The following DIAPH3 variants were observed in gnomAD, a reference collection of about 807,000 sequenced individuals.
DIAPH3 encodes diaphanous related formin 3.
Under a neutral mutation model 144.3 loss-of-function variants are expected in DIAPH3, and 117 were observed. The observed-to-expected ratio is 0.81, with a 90% CI of 0.70 to 0.95. DIAPH3 has a LOEUF of 0.95. Among genes scored for constraint, DIAPH3 ranks in the 40% least tolerant of loss-of-function variants. DIAPH3 has a pLI of 0.00. For synonymous variants in DIAPH3, 519 were observed against 488.9 expected, an observed-to-expected ratio of 1.06 and a Z score of -0.81; for missense variants, 1,421 against 1,412.7, an observed-to-expected ratio of 1.01 and a Z score of -0.09.
At position 59,810,927 on chromosome 13, in the gene DIAPH3, A is replaced by AC; in HGVS notation, c.3028-5_3028-4insG. 5 of 287,870 alleles carry AC rather than the reference A, an allele frequency of 1.7e-5. No homozygotes were observed. The highest frequency in any genetic ancestry group is 2.5e-5 in the Non-Finnish European group (5 of 198,990). 17.8% of individuals were successfully genotyped at this position (287,870 alleles called of 1,614,324 possible). A position where few individuals can be genotyped will look rare whatever the true frequency, so the allele number is the denominator to read the frequency against. On this transcript the variant is annotated splice_region_variant and splice_polypyrimidine_tract_variant and intron_variant, in intron 24 of 27. Transcript: ENST00000400324. ...TGATATTCTCCTTTATTGCTTGCTA[A>AC]AAAAATTTTGAAAAATGATCAATTT...
intron 27 of DIAPH3, among the ~76,000 whole-genome samples, chr13:59,668,246 C>T (rs188215612): frequency 6.6e-6 from 1 of 152,132 alleles, no homozygotes; most frequent in Non-Finnish European, 1.5e-5. Flanking sequence ...TTCCTATGAC[C>T]ACATCCTTTT....
chr13:59,699,894 G>A (rs1229135358), intron 27 of DIAPH3, among the ~76,000 whole-genome samples: 1 of 152,198 alleles, frequency 6.6e-6, no homozygotes, highest in Non-Finnish European at 1.5e-5. Context: ...AACCTTAAAT[G>A]TGAACACTTC....
rs1055787286 is a variant in DIAPH3 at position 59,871,201 on chromosome 13, G to C, written c.2607+8028C>G. On this transcript the variant is annotated intron_variant, in intron 21 of 27. Transcript: ENST00000400324. ...ATTTTTTGTCCATTTTTTTTGGGGGGGGGGGTGGCGGGCATTCTACACAGA... is the reference window on the plus strand; with the variant it reads ...ATTTTTTGTCCATTTTTTTTGGGGGCGGGGGTGGCGGGCATTCTACACAGA... 1.0e-4 allele frequency among the ~76,000 whole-genome samples: 15 copies of C among 143,948 alleles called. No individual in the cohort carries two copies. In the South Asian group the frequency reaches 3.2e-3, roughly 30 times the overall value. 94.4% of individuals were successfully genotyped at this position (143,948 alleles called of 152,430 possible).
In DIAPH3 at chr13:59,747,581, C is replaced by T. The variant is rs559210494; in HGVS notation, c.3319+26608G>A. On this transcript the variant is annotated intron_variant, in intron 27 of 27. Coordinates refer to ENST00000400324, the MANE Select transcript of DIAPH3 (RefSeq NM_001042517.2). The stretch of plus-strand genomic sequence containing the variant: ...CCACTGGAGTGTATTTTCAAGCCAT[C>T]AGGTCCTGCCTTGGCCACTGGGACC... 8.5e-5 allele frequency among the ~76,000 whole-genome samples: 13 copies of T among 152,288 alleles called. No individual in the cohort carries two copies. The South Asian group carries it at 2.7e-3, about 32-fold the overall frequency.
chr13:60,056,392 G>A (rs988139539), intron 4 of DIAPH3, among the ~76,000 whole-genome samples: 2 of 151,414 alleles, frequency 1.3e-5, no homozygotes, highest in Non-Finnish European at 3.0e-5. Context: ...ACAAATATGT[G>A]TTTTCTATAC....
intron 3 of DIAPH3, among the ~76,000 whole-genome samples, chr13:60,095,826 T>G (rs2058091435): frequency 6.6e-6 from 1 of 152,286 alleles, no homozygotes; most frequent in South Asian, 2.1e-4. Context: ...ACACTCTGCT[T>G]TTTTTAAGCT....
chr13:59,790,822 A>G (rs565720326), intron 25 of DIAPH3, among the ~76,000 whole-genome samples: 3 of 152,274 alleles, frequency 2.0e-5, no homozygotes, highest in African/African-American at 7.2e-5. Flanking sequence ...AAAAAACTGG[A>G]GGCAAAAATG....
chr13:60,045,293 T>C (rs2055992270), intron 4 of DIAPH3, among the ~76,000 whole-genome samples: 1 of 151,500 alleles, frequency 6.6e-6, no homozygotes, highest in Non-Finnish European at 1.5e-5. Context: ...TGAGCAGAGA[T>C]CATGCCATTT....
intron 25 of DIAPH3, among the ~76,000 whole-genome samples, chr13:59,803,339 T>C (rs1274991924): frequency 6.6e-6 from 1 of 152,208 alleles, no homozygotes; most frequent in African/African-American, 2.4e-5. Context: ...AAAATTTAAA[T>C]TATTTTGCCT....
At chr13:59,920,722 A>T (rs1379675093) in intron 18 of DIAPH3, among the ~76,000 whole-genome samples, 1 of 151,954 alleles carries the variant, frequency 6.6e-6, no homozygotes, top group Non-Finnish European at 1.5e-5. Context: ...CTAGAAAATG[A>T]ACTCTAGGCC....
chr13:59,969,949 T>C lies in DIAPH3; in HGVS notation c.2069A>G (p.Gln690Arg), dbSNP rs1217922498. The change falls in exon 17 of 28, where the codon CAA (glutamine) becomes CGA (arginine). Residue 690 changes from glutamine (Q) to arginine (R), a missense_variant. By Grantham distance (43) the Gln-to-Arg change is conservative. Coordinates refer to ENST00000400324, the MANE Select transcript of DIAPH3 (RefSeq NM_001042517.2). Reference sequence around the variant, plus strand: ...AATCAAGATGTTAAACTTACCTTTTTGTTGGCAACAAAATGTATTCTCAAG... The same window carrying C: ...AATCAAGATGTTAAACTTACCTTTTCGTTGGCAACAAAATGTATTCTCAAG... The part of the protein sequence containing the change: ...CKLENTFCCQ[Q>R]KERREEEDIE... 2.5e-6 allele frequency: 4 copies of C among 1,592,846 alleles called. No homozygotes were observed. Among genetic ancestry groups the C allele is most frequent in the South Asian group, 2.2e-5 (2 of 88,976 alleles).
At chr13:59,774,509 G>C (rs1253796698) in intron 26 of DIAPH3, among the ~76,000 whole-genome samples, 3 of 152,166 alleles carry the variant, frequency 2.0e-5, no homozygotes. Context: ...TAGGTTCAGT[G>C]CATTGATTTG....
intron 12 of DIAPH3, among the ~76,000 whole-genome samples, chr13:59,989,700 T>C (rs956652507): frequency 1.3e-5 from 2 of 151,966 alleles, no homozygotes; most frequent in African/African-American, 2.4e-5. Flanking sequence ...ACTCAAATGA[T>C]AGTATCACCT....
intron 5 of DIAPH3, among the ~76,000 whole-genome samples, chr13:60,021,475 A>G (rs1041356730): frequency 1.3e-5 from 2 of 151,960 alleles, no homozygotes; most frequent in African/African-American, 4.8e-5. Flanking sequence ...AAATACAAAA[A>G]TAGCCGGGTG....
At chr13:59,815,619 G>A (rs566900704) in intron 24 of DIAPH3, among the ~76,000 whole-genome samples, 2 of 151,986 alleles carry the variant, frequency 1.3e-5, no homozygotes, top group African/African-American at 4.8e-5. Flanking sequence ...ATATAAAAAT[G>A]TAATTTTTAC....
intron 18 of DIAPH3, among the ~76,000 whole-genome samples, chr13:59,922,705 A>T (rs1202951101): frequency 6.6e-6 from 1 of 152,118 alleles, no homozygotes; most frequent in Non-Finnish European, 1.5e-5. Flanking sequence ...GAGAAGAATA[A>T]TCTTAAAATG....
chr13:59,792,315 C>A (rs1005359705), intron 25 of DIAPH3, among the ~76,000 whole-genome samples: 2 of 152,186 alleles, frequency 1.3e-5, no homozygotes, highest in Non-Finnish European at 1.5e-5. Flanking sequence ...AGACACATGT[C>A]ATTCAGTTAC....
intron 27 of DIAPH3, among the ~76,000 whole-genome samples, chr13:59,710,443 C>T (rs1446566412): frequency 6.6e-6 from 1 of 151,944 alleles, no homozygotes; most frequent in African/African-American, 2.4e-5. Context: ...AAAAGACATG[C>T]CATTTAAAAT....
At chr13:59,823,577 G>T (rs2041196853) in intron 24 of DIAPH3, among the ~76,000 whole-genome samples, 1 of 152,260 alleles carries the variant, frequency 6.6e-6, no homozygotes, top group African/African-American at 2.4e-5. Context: ...AATTGCAAAA[G>T]CTGGCTCAAC....
Sources: allele counts gnomAD v4.1 joint callset (sites outside exome capture counted in the v4.1 genomes callset), GRCh38; gene constraint gnomAD v4.1.1; transcripts MANE v1.5; gene names NCBI Gene and HGNC (gene_info 2026-07-23, HGNC 2026-07-21).